Variants in CCDC171 observed in about 807,000 individuals in gnomAD.
CCDC171 encodes the protein coiled-coil domain containing 171, also known as coiled-coil domain-containing protein 171.
A neutral mutation model predicts 168.2 loss-of-function variants in CCDC171; 177 were observed. The ratio of observed to expected loss-of-function variants is 1.05; its 90% CI spans 0.93 to 1.19. The LOEUF is 1.19. Ranked by LOEUF, CCDC171 falls within the 50% of genes most tolerant of loss-of-function variation. CCDC171 has a pLI of 0.00. For missense variants in CCDC171, 1,991 were observed against 1,539.0 expected, an observed-to-expected ratio of 1.29 and a Z score of -4.91; for synonymous variants, 687 against 540.8, an observed-to-expected ratio of 1.27 and a Z score of -3.75.
At position 15,721,710 on chromosome 9, in the gene CCDC171, C is replaced by T. The variant is rs1588138750; in HGVS notation, c.1319-59C>T. 7.5e-5 allele frequency: 65 copies of T among 872,036 alleles called. No homozygotes were observed. The East Asian group carries it at 1.8e-3, about 24-fold the overall frequency. 54.0% of individuals were successfully genotyped at this position (872,036 alleles called of 1,614,324 possible). A position where few individuals can be genotyped will look rare whatever the true frequency, so the allele number is the denominator to read the frequency against. On this transcript the variant is annotated intron_variant, in intron 11 of 25. Transcript: ENST00000380701. ...ATTGTAGTATCTCTGTTACTATTTG[C>T]CTAAGTTTTGTCCCTTTGTGACTTT...
intron 21 of CCDC171, among the ~76,000 whole-genome samples, chr9:15,805,677 T>G (rs780195333): frequency 6.6e-6 from 1 of 152,092 alleles, no homozygotes. Context: ...ATTATGTGAT[T>G]GATTTTAAGT....
chr9:15,772,747 C>T (rs758466368), intron 18 of CCDC171, among the ~76,000 whole-genome samples: 12 of 152,068 alleles, frequency 7.9e-5, no homozygotes, highest in Non-Finnish European at 1.8e-4. Flanking sequence ...TTGTGTGTTA[C>T]GAGTTATTCT....
At chr9:15,841,404 A>G (rs2060675136) in intron 21 of CCDC171, among the ~76,000 whole-genome samples, 1 of 152,046 alleles carries the variant, frequency 6.6e-6, no homozygotes, top group Non-Finnish European at 1.5e-5. Flanking sequence ...ACATTTATGT[A>G]GTCTTTTACA....
intron 21 of CCDC171, among the ~76,000 whole-genome samples, chr9:15,804,888 C>CT (rs1327876429): frequency 6.6e-6 from 1 of 151,866 alleles, no homozygotes; most frequent in African/African-American, 2.4e-5. Context: ...TGGTCTTGGG[C>CT]TTTTTTTGGT....
chr9:15,838,081 C>G lies in CCDC171; in HGVS notation c.3268-8621C>G, dbSNP rs932798956. On this transcript the variant is annotated intron_variant, in intron 21 of 25. Coordinates refer to ENST00000380701, the MANE Select transcript of CCDC171 (RefSeq NM_173550.4). Reference sequence around the variant, plus strand: ...GCTATGATGTAGGGTTTATGGCTCTCTATCATATAATTCATATACCTTGTA... The same window carrying G: ...GCTATGATGTAGGGTTTATGGCTCTGTATCATATAATTCATATACCTTGTA... Among the ~76,000 whole-genome samples the G allele has an allele frequency of 2.6e-5, 4 of 152,066 alleles. No individual in the cohort carries two copies. In the South Asian group the frequency reaches 6.2e-4, roughly 24 times the overall value.
At chr9:15,930,559 T>A (rs1249917789) in intron 25 of CCDC171, among the ~76,000 whole-genome samples, 1 of 151,658 alleles carries the variant, frequency 6.6e-6, no homozygotes. Context: ...TCATAATACC[T>A]TTTACTTACA....
rs981266120 is a variant in CCDC171 at position 15,994,906 on chromosome 9, G to A, written n.369-25683G>A. 5.9e-5 allele frequency among the ~76,000 whole-genome samples: 9 copies of A among 152,252 alleles called. No individual in the cohort carries two copies. In the South Asian group the frequency reaches 1.9e-3, roughly 32 times the overall value. ...GAATATTTTTTGCATATGTAAGGAG[G>A]TCAGACATAATTTTTCTCCTTCAAA... On this transcript the variant is annotated intron_variant and non_coding_transcript_variant, in intron 3 of 9. Transcript: ENST00000486641.
At chr9:15,865,361 A>G (rs1480416932) in intron 23 of CCDC171, among the ~76,000 whole-genome samples, 1 of 142,304 alleles carries the variant, frequency 7.0e-6, no homozygotes, top group African/African-American at 2.6e-5. Flanking sequence ...ACACACACAT[A>G]TATATATGTA....
intron 24 of CCDC171, among the ~76,000 whole-genome samples, chr9:15,882,606 T>C (rs1489553762): frequency 1.3e-5 from 2 of 152,154 alleles, no homozygotes; most frequent in African/African-American, 4.8e-5. Context: ...GATCTTAGTT[T>C]TAATTCAATA....
chr9:15,820,797 A>G lies in CCDC171; in HGVS notation c.3268-25905A>G, dbSNP rs1377058443. Among the ~76,000 whole-genome samples the G allele has an allele frequency of 1.7e-5, 2 of 117,466 alleles. 1 individual carries two copies. The highest frequency in any genetic ancestry group is 1.6e-4 in the Admixed American group (2 of 12,460). 77.1% of individuals were successfully genotyped at this position (117,466 alleles called of 152,430 possible). On this transcript the variant is annotated intron_variant, in intron 21 of 25. Transcript: ENST00000380701. ...TACCATTCCTTCTGAAACTATTACA[A>G]TTAATGGAAAAAGAGGGAATCCTCC... is the stretch of plus-strand genomic sequence containing the variant.
At chr9:15,811,614 G>A (rs541940881) in intron 21 of CCDC171, among the ~76,000 whole-genome samples, 1 of 152,286 alleles carries the variant, frequency 6.6e-6, no homozygotes, top group East Asian at 1.9e-4. Flanking sequence ...TTAAGTAAGT[G>A]TGGATTTAAA....
chr9:15,821,366 G>A (rs555660220), intron 21 of CCDC171, among the ~76,000 whole-genome samples: 1 of 116,848 alleles, frequency 8.6e-6, no homozygotes, highest in East Asian at 2.2e-4. Context: ...GAAATAAAGG[G>A]CATTCAGTTA....
At chr9:16,032,593 G>A (rs1045908805) in intron 6 of CCDC171, among the ~76,000 whole-genome samples, 1 of 152,180 alleles carries the variant, frequency 6.6e-6, no homozygotes, top group African/African-American at 2.4e-5. Flanking sequence ...GCAAAGCACA[G>A]ATATCCAGGT....
intron 2 of CCDC171, among the ~76,000 whole-genome samples, chr9:15,569,573 TG>T (rs1250092025): frequency 2.6e-5 from 4 of 152,166 alleles, no homozygotes; most frequent in African/African-American, 9.6e-5. Context: ...CCCAGCACTT[TG>T]GGAGGCCGAG....
intron 21 of CCDC171, among the ~76,000 whole-genome samples, chr9:15,797,317 A>G (rs2058607731): frequency 6.6e-6 from 1 of 152,080 alleles, no homozygotes; most frequent in Admixed American, 6.6e-5. Flanking sequence ...CCTGGGCTCA[A>G]CTAATCCTCC....
Position 15,578,897 on chromosome 9 carries a change from A to G in CCDC171, c.226A>G (p.Lys76Glu). The G allele has an allele frequency of 6.2e-7, 1 of 1,613,930 alleles. No individual in the cohort carries two copies. ...QIAKLRSEVE[K>E]GEALRQSLEY... ...TGCCAAGCTACGGTCCGAGGTTGAA[A>G]AGGGAGAAGCATTGCGACAAAGTCT... The change falls in exon 4 of 26, where the codon AAG becomes GAG. Residue 76 changes from lysine (K) to glutamate (E), a missense_variant. Coordinates refer to ENST00000380701, the MANE Select transcript of CCDC171 (RefSeq NM_173550.4).
At position 16,005,493 on chromosome 9, in the gene CCDC171, C is replaced by T. The variant is rs904092005; in HGVS notation, n.369-15096C>T. ...AAGTTTTTGTGTGAACATATGTTTT[C>T]TTTTGAGTACAGTTGACCCTTTGTA... is the stretch of plus-strand genomic sequence containing the variant. On this transcript the variant is annotated intron_variant and non_coding_transcript_variant, in intron 3 of 9. Coordinates refer to the CCDC171 transcript ENST00000486641. Among the ~76,000 whole-genome samples the T allele has an allele frequency of 2.0e-5, 3 of 152,264 alleles. No homozygotes were observed. The South Asian group carries it at 6.2e-4, about 32-fold the overall frequency.
chr9:15,627,478 C>T (rs760195592), intron 7 of CCDC171, among the ~76,000 whole-genome samples: 10 of 152,026 alleles, frequency 6.6e-5, no homozygotes, highest in South Asian at 2.1e-4. Context: ...TCCCTCTACA[C>T]GCTGGTTTGA....
chr9:15,733,781 C>G (rs1385994225), intron 16 of CCDC171, among the ~76,000 whole-genome samples: 3 of 151,944 alleles, frequency 2.0e-5, no homozygotes, highest in African/African-American at 4.8e-5. Flanking sequence ...TCACTTTTTT[C>G]TCTTTTTGAG....
Sources: allele counts gnomAD v4.1 joint callset (sites outside exome capture counted in the v4.1 genomes callset), GRCh38; gene constraint gnomAD v4.1.1; transcripts MANE v1.5; gene names NCBI Gene and HGNC (gene_info 2026-07-23, HGNC 2026-07-21).